Variants in HIVEP3 observed in about 807,000 individuals in gnomAD.
The protein encoded by HIVEP3 is transcription factor HIVEP3.
A neutral mutation model predicts 152.8 loss-of-function variants in HIVEP3; 49 were observed. The ratio of observed to expected loss-of-function variants is 0.32; its 90% CI spans 0.26 to 0.41. The LOEUF (loss-of-function observed/expected upper bound fraction) is 0.41. Ranked by LOEUF, HIVEP3 falls within the 10% of genes least tolerant of loss-of-function variation. HIVEP3 has a pLI of 1.00. For synonymous variants in HIVEP3, 1,269 were observed against 1,289.0 expected, an observed-to-expected ratio of 0.98 and a Z score of 0.33; for missense variants, 2,790 against 3,103.3, an observed-to-expected ratio of 0.90 and a Z score of 2.40.
chr1:41,581,690 G>A lies in HIVEP3; in HGVS notation c.3108C>T (p.Ala1036=). 6.2e-7 allele frequency: 1 copy of A among 1,613,938 alleles called. No individual in the cohort carries two copies. The highest frequency in any genetic ancestry group is 8.5e-7 in the Non-Finnish European group (1 of 1,179,940). ...PAPVAPPARV[A]PPERRKCFLV... is the part of the protein sequence containing the mutation. ...AGAAGCATTTTCTTCTCTCTGGCGGGGCCACCCGCGCTGGTGGAGCCACTG... is the reference window on the plus strand; with the variant it reads ...AGAAGCATTTTCTTCTCTCTGGCGGAGCCACCCGCGCTGGTGGAGCCACTG... Residue 1036 remains alanine (A), a synonymous_variant, in exon 4 of 9, where the codon GCC becomes GCT. Coordinates refer to ENST00000372583, the MANE Select transcript of HIVEP3 (RefSeq NM_024503.5). This position sits in a 1 kb window ranked among gnomAD's most constrained non-coding sequence, Gnocchi z 4.5.
In HIVEP3 at chr1:41,510,819, G is replaced by A; in HGVS notation, c.6853C>T (p.Pro2285Ser). ...GGTGTCCAGTCAGGAGGCCTGCCCG[G>A]GCCTCCGCCGGTCCTCTCCCTCTCC... is the stretch of plus-strand genomic sequence containing the variant. ...PKERERTGGG[P>S]GRPPDWTPHG... Residue 2285 changes from proline to serine, a missense_variant, in exon 9 of 9, where the codon CCG (proline) becomes TCG (serine). Physicochemically the swap from Pro to Ser is moderately conservative, Grantham distance 74. Around this residue, in one of 9 missense-constraint regions of HIVEP3, gnomAD observed 816 missense variants for 806.5 expected, o/e 1.01. Transcript: ENST00000372583. 1 of 1,612,642 alleles carries A rather than the reference G, an allele frequency of 6.2e-7. No individual in the cohort carries two copies. The highest frequency in any genetic ancestry group is 8.5e-7 in the Non-Finnish European group (1 of 1,179,766).
intron 6 of HIVEP3, among the ~76,000 whole-genome samples, chr1:41,519,463 C>T (rs1642699707): frequency 6.6e-6 from 1 of 152,244 alleles, no homozygotes; most frequent in South Asian, 2.1e-4. Flanking sequence ...CCCAGAAGAA[C>T]ACAGGCCAGA....
intron 1 of HIVEP3, among the ~76,000 whole-genome samples, chr1:41,899,877 C>T (rs783625): frequency 0.53 from 80,836 of 151,886 alleles, 21,687 homozygotes; most frequent in Middle Eastern, 0.58. Context: ...AGAATTCAAG[C>T]CCAGCCTGAT....
At chr1:41,913,433 A>G (rs917120247) in intron 1 of HIVEP3, among the ~76,000 whole-genome samples, 2 of 152,158 alleles carry the variant, frequency 1.3e-5, no homozygotes, top group African/African-American at 4.8e-5. Flanking sequence ...TATTTGCTCT[A>G]TTGTCCAGGC....
chr1:41,581,537 C>A lies in HIVEP3; in HGVS notation c.3261G>T (p.Gln1087His). 1 of 1,598,828 alleles carries A rather than the reference C, an allele frequency of 6.3e-7. No individual in the cohort carries two copies. The highest frequency in any genetic ancestry group is 2.2e-5 in the East Asian group (1 of 44,712). ...SKPSAKSSLS[Q>H]ISSAATSHGG... Reference sequence around the variant, plus strand: ...CATGTGAGGTGGCCGCAGAGGAAATCTGGGACAATGAGCTTTTGGCAGAGG... The same window carrying A: ...CATGTGAGGTGGCCGCAGAGGAAATATGGGACAATGAGCTTTTGGCAGAGG... Residue 1087 changes from glutamine to histidine, a missense_variant, in exon 4 of 9, where the codon CAG (glutamine) becomes CAT (histidine). Coordinates refer to ENST00000372583, the MANE Select transcript of HIVEP3 (RefSeq NM_024503.5). This position sits in a 1 kb window ranked among gnomAD's most constrained non-coding sequence, Gnocchi z 4.5.
intron 1 of HIVEP3, among the ~76,000 whole-genome samples, chr1:41,740,136 C>T (rs1311483846): frequency 6.6e-6 from 1 of 152,250 alleles, no homozygotes; most frequent in Non-Finnish European, 1.5e-5. Flanking sequence ...CCTACCCATC[C>T]ACATTGCTGG....
At chr1:41,619,211 A>G (rs1645012039) in intron 3 of HIVEP3, among the ~76,000 whole-genome samples, 2 of 150,284 alleles carry the variant, frequency 1.3e-5, no homozygotes, top group Non-Finnish European at 3.0e-5. Flanking sequence ...CGCCTGGAAT[A>G]CTCTTTTCTG....
At chr1:41,870,469 C>A (rs765794969) in intron 1 of HIVEP3, among the ~76,000 whole-genome samples, 1 of 152,208 alleles carries the variant, frequency 6.6e-6, no homozygotes, top group Non-Finnish European at 1.5e-5. Flanking sequence ...TTTGTCATTT[C>A]ATTCCCAGCG....
At chr1:41,678,448 C>T (rs1313405130) in intron 2 of HIVEP3, among the ~76,000 whole-genome samples, 1 of 149,894 alleles carries the variant, frequency 6.7e-6, no homozygotes, top group Non-Finnish European at 1.5e-5. Context: ...ATTAGCCCAG[C>T]TGCTCTAGGC....
intron 1 of HIVEP3, among the ~76,000 whole-genome samples, chr1:41,712,222 CT>C (rs1157630736): frequency 6.6e-6 from 1 of 152,248 alleles, no homozygotes; most frequent in Non-Finnish European, 1.5e-5. Flanking sequence ...TTACAGTGCC[CT>C]GCGACAAGTG....
At chr1:41,578,858 GC>G (rs1644360642) in intron 4 of HIVEP3, among the ~76,000 whole-genome samples, 1 of 152,130 alleles carries the variant, frequency 6.6e-6, no homozygotes, top group Non-Finnish European at 1.5e-5. Flanking sequence ...AGATTCAAGG[GC>G]CCAGCACAGT....
intron 1 of HIVEP3, among the ~76,000 whole-genome samples, chr1:41,746,644 G>C (rs1049692683): frequency 4.6e-5 from 7 of 152,140 alleles, no homozygotes; most frequent in Non-Finnish European, 1.0e-4. Context: ...GTCTGGTGTG[G>C]GGAGACACAT....
At chr1:41,656,365 G>C (rs533890853) in intron 2 of HIVEP3, among the ~76,000 whole-genome samples, 16 of 152,352 alleles carry the variant, frequency 1.1e-4, no homozygotes, top group Admixed American at 3.3e-4. Context: ...AGACAGGGGA[G>C]GGAACTGGCA....
At chr1:41,636,932 C>A (rs188101595) in intron 2 of HIVEP3, among the ~76,000 whole-genome samples, 1 of 140,532 alleles carries the variant, frequency 7.1e-6, no homozygotes, top group East Asian at 2.3e-4. Flanking sequence ...GCACTCCAGC[C>A]TGGGCAACAA....
intron 1 of HIVEP3, among the ~76,000 whole-genome samples, chr1:42,000,258 C>A (rs1468931269): frequency 6.6e-6 from 1 of 152,220 alleles, no homozygotes; most frequent in Non-Finnish European, 1.5e-5. Flanking sequence ...ATCCTTACAA[C>A]TTGCTAACAT....
intron 1 of HIVEP3, among the ~76,000 whole-genome samples, chr1:41,884,470 T>A (rs909730543): frequency 6.6e-6 from 1 of 152,090 alleles, no homozygotes; most frequent in African/African-American, 2.4e-5. Context: ...TGCAGGCAAG[T>A]GCGGCTGATG....
At position 41,663,065 on chromosome 1, in the gene HIVEP3, T is replaced by G. The variant is rs1250077610; in HGVS notation, c.-720-34118A>C. On this transcript the variant is annotated intron_variant, in intron 2 of 8. Coordinates refer to ENST00000372583, the MANE Select transcript of HIVEP3 (RefSeq NM_024503.5). The stretch of plus-strand genomic sequence containing the variant: ...ACCAGAAGCTGCTGGATCTCGGGAT[T>G]TGGGCCTGAGTCACTCTGGTCCTTG... 3.9e-5 allele frequency among the ~76,000 whole-genome samples: 6 copies of G among 152,200 alleles called. No homozygotes were observed. The East Asian group carries it at 1.2e-3, about 29-fold the overall frequency.
intron 3 of HIVEP3, among the ~76,000 whole-genome samples, chr1:41,590,047 C>CTGT (rs952837315): frequency 5.9e-5 from 9 of 152,180 alleles, no homozygotes; most frequent in Non-Finnish European, 2.9e-5. Context: ...GTACAACACT[C>CTGT]TGTGTGTGTG....
chr1:41,862,978 C>T (rs1291294931), intron 1 of HIVEP3, among the ~76,000 whole-genome samples: 1 of 152,202 alleles, frequency 6.6e-6, no homozygotes, highest in Admixed American at 6.5e-5. Flanking sequence ...AATGAATGCA[C>T]ACACACACAA....
Sources: gnomAD v4.1 joint callset for allele counts (sites outside exome capture counted in the v4.1 genomes callset) on GRCh38, gnomAD v4.1.1 for gene constraint, gnomAD v4.1.1 regional missense constraint, Gnocchi (gnomAD v3.1) non-coding constraint, MANE v1.5 for transcripts, NCBI Gene and HGNC (gene_info 2026-07-23, HGNC 2026-07-21) for gene names.